The following IGSF11 variants were observed in gnomAD, a reference collection of about 807,000 sequenced individuals.
IGSF11 encodes immunoglobulin superfamily member 11.
IGSF11 carries 22 observed loss-of-function variants against 41.0 expected under a neutral mutation model. The ratio of observed to expected loss-of-function variants is 0.54; its 90% CI spans 0.38 to 0.77. The LOEUF (loss-of-function observed/expected upper bound fraction) is 0.77, where lower values mean the gene tolerates loss of function less well. Among genes scored for constraint, IGSF11 ranks in the 30% least tolerant of loss-of-function variants. The pLI, the probability that IGSF11 is intolerant of heterozygous loss-of-function variation, is 0.00. For missense variants in IGSF11, 444 were observed against 530.8 expected, an observed-to-expected ratio of 0.84 and a Z score of 1.61; for synonymous variants, 219 against 201.3, an observed-to-expected ratio of 1.09 and a Z score of -0.74.
intron 1 of IGSF11, among the ~76,000 whole-genome samples, chr3:119,125,998 A>T (rs1228552377): frequency 6.6e-6 from 1 of 152,242 alleles, no homozygotes; most frequent in Non-Finnish European, 1.5e-5. Context: ...GAATCTGCTT[A>T]AGCCTACCAA....
At chr3:119,003,311 G>C (rs1422122921) in intron 1 of IGSF11, among the ~76,000 whole-genome samples, 2 of 144,638 alleles carry the variant, frequency 1.4e-5, no homozygotes, top group Admixed American at 1.4e-4. Flanking sequence ...TGTGATTTTT[G>C]TACATTGATT....
rs180909886 is a variant in IGSF11, at chr3:119,071,478, T to A, written c.49+33666A>T. On this transcript the variant is annotated intron_variant, in intron 1 of 6. Transcript: ENST00000354673. ...TTTAGCTTTTATATTTAGTTTTTGA[T>A]CAATTTTGAGCTAATTTTTGTATAT... Among the ~76,000 whole-genome samples, 751 of 152,322 alleles carry A rather than the reference T, an allele frequency of 4.9e-3. 7 individuals are homozygous for A. The highest frequency in any genetic ancestry group is 8.7e-3 in the Non-Finnish European group (592 of 68,018).
chr3:119,022,602 A>C (rs934007321), intron 1 of IGSF11, among the ~76,000 whole-genome samples: 7 of 152,212 alleles, frequency 4.6e-5, no homozygotes, highest in African/African-American at 1.7e-4. Context: ...AAATGCTAGT[A>C]AAAAGGGGAA....
At chr3:119,137,884 A>C (rs887089652) in intron 1 of IGSF11, among the ~76,000 whole-genome samples, 2 of 152,218 alleles carry the variant, frequency 1.3e-5, no homozygotes, top group Non-Finnish European at 2.9e-5. Flanking sequence ...TAATCCAATC[A>C]AAAATGGGCA....
In IGSF11 at chr3:119,008,176, C is replaced by A. The variant is rs537883949; in HGVS notation, c.52+26355G>T. On this transcript the variant is annotated intron_variant, in intron 1 of 6. Transcript: ENST00000393775. ...TTGGTTAAGAAATGAACAACAACAA[C>A]AAAAAAAACGTAAATAAAAACTCCA... Among the ~76,000 whole-genome samples the A allele has an allele frequency of 5.0e-3, 758 of 151,530 alleles. 4 individuals are homozygous for A. The highest frequency in any genetic ancestry group is 7.4e-3 in the Non-Finnish European group (505 of 67,830).
At chr3:118,922,797 A>G (rs749569358) in intron 4 of IGSF11, among the ~76,000 whole-genome samples, 1 of 152,196 alleles carries the variant, frequency 6.6e-6, no homozygotes, top group South Asian at 2.1e-4. Flanking sequence ...GTAAGAGCCC[A>G]TTTCCTGGTT....
chr3:118,978,943 CA>C (rs1484484627), intron 1 of IGSF11, among the ~76,000 whole-genome samples: 1 of 151,742 alleles, frequency 6.6e-6, no homozygotes, highest in Non-Finnish European at 1.5e-5. Context: ...AAAAGAAATT[CA>C]TGAAATCTCA....
At chr3:118,986,600 T>C (rs1015376200) in intron 1 of IGSF11, among the ~76,000 whole-genome samples, 10 of 152,220 alleles carry the variant, frequency 6.6e-5, no homozygotes, top group African/African-American at 2.2e-4. Context: ...ACTTTCACCA[T>C]GTTATTTAAT....
intron 1 of IGSF11, among the ~76,000 whole-genome samples, chr3:119,076,459 T>G (rs1000708023): frequency 2.0e-5 from 3 of 152,080 alleles, no homozygotes; most frequent in African/African-American, 7.2e-5. Context: ...GAAACTACCA[T>G]CAGAGTGAAC....
chr3:119,073,911 G>A (rs934138160), intron 1 of IGSF11, among the ~76,000 whole-genome samples: 2 of 152,234 alleles, frequency 1.3e-5, no homozygotes, highest in Admixed American at 1.3e-4. Context: ...AGGCCAAGGA[G>A]GCGCCAAGAG....
At chr3:119,077,859 A>C (rs967630578) in intron 1 of IGSF11, among the ~76,000 whole-genome samples, 12 of 152,330 alleles carry the variant, frequency 7.9e-5, no homozygotes, top group African/African-American at 2.9e-4. Flanking sequence ...ATGTACAAAA[A>C]TCAGTAGCAT....
chr3:119,077,549 A>G (rs2076521232), intron 1 of IGSF11, among the ~76,000 whole-genome samples: 1 of 152,216 alleles, frequency 6.6e-6, no homozygotes, highest in Non-Finnish European at 1.5e-5. Flanking sequence ...AGAGCCATCT[A>G]TGACAAACCC....
chr3:119,066,722 T>C (rs1046593607), intron 1 of IGSF11, among the ~76,000 whole-genome samples: 5 of 152,218 alleles, frequency 3.3e-5, no homozygotes, highest in Non-Finnish European at 5.9e-5. Flanking sequence ...CTGTTTGCTA[T>C]ACTCCAGTTT....
intron 1 of IGSF11, among the ~76,000 whole-genome samples, chr3:119,021,408 C>T (rs1426262099): frequency 6.6e-6 from 1 of 151,988 alleles, no homozygotes; most frequent in Non-Finnish European, 1.5e-5. Context: ...AAAAATAATG[C>T]TTATATAGCA....
chr3:119,076,565 GA>G (rs1414548350), intron 1 of IGSF11, among the ~76,000 whole-genome samples: 56 of 151,982 alleles, frequency 3.7e-4, no homozygotes, highest in Non-Finnish European at 6.8e-4. Flanking sequence ...AAATTTACAA[GA>G]AAAAAACAAA....
chr3:119,103,218 C>T (rs1284460189), intron 1 of IGSF11, among the ~76,000 whole-genome samples: 1 of 152,084 alleles, frequency 6.6e-6, no homozygotes, highest in Admixed American at 6.5e-5. Flanking sequence ...AGGATGGTCT[C>T]GATCTCCTGA....
At position 118,989,702 on chromosome 3, in the gene IGSF11, T is replaced by C. The variant is rs1290911795; in HGVS notation, c.52+44829A>G. ...TTTTAGGTCTGTTGAAGCTAACAAT[T>C]TTTTAAATGAGGCTATCTTATGTTT... On this transcript the variant is annotated intron_variant, in intron 1 of 6. Coordinates refer to ENST00000393775, the MANE Select transcript of IGSF11 (RefSeq NM_001015887.3). 2.0e-5 allele frequency among the ~76,000 whole-genome samples: 3 copies of C among 152,244 alleles called. No homozygotes were observed. In the East Asian group the frequency reaches 5.8e-4, roughly 29 times the overall value.
intron 1 of IGSF11, among the ~76,000 whole-genome samples, chr3:118,962,018 T>C (rs986883266): frequency 7.9e-5 from 12 of 152,334 alleles, no homozygotes; most frequent in African/African-American, 2.9e-4. Flanking sequence ...TAGGTAATTA[T>C]ATGGCCTGGA....
intron 4 of IGSF11, among the ~76,000 whole-genome samples, chr3:118,924,552 A>T (rs1942120496): frequency 6.6e-6 from 1 of 152,126 alleles, no homozygotes; most frequent in East Asian, 1.9e-4. Flanking sequence ...ATAGAAGACA[A>T]AGTTTTCATC....
Sources: allele counts gnomAD v4.1 joint callset (sites outside exome capture counted in the v4.1 genomes callset), GRCh38; gene constraint gnomAD v4.1.1; transcripts MANE v1.5; gene names NCBI Gene and HGNC (gene_info 2026-07-23, HGNC 2026-07-21).